The following GLIS1 variants were observed in gnomAD, a reference collection of about 807,000 sequenced individuals.
GLIS1 encodes the protein GLIS family zinc finger 1, also known as zinc finger protein GLIS1.
GLIS1 carries 24 observed loss-of-function variants against 63.8 expected under a neutral mutation model. The ratio of observed to expected loss-of-function variants is 0.38; its 90% CI spans 0.27 to 0.53. The LOEUF is 0.53. Ranked by LOEUF, GLIS1 falls within the 20% of genes least tolerant of loss-of-function variation. The pLI is 0.85. For synonymous variants in GLIS1, 450 were observed against 482.5 expected (o/e 0.93, Z 0.88); for missense variants, 1,036 against 1,074.1 (o/e 0.96, Z 0.50).
chr1:53,644,096 G>A (rs1018641851), intron 2 of GLIS1, among the ~76,000 whole-genome samples: 1 of 152,198 alleles, frequency 6.6e-6, no homozygotes. Context: ...TCATATTCTG[G>A]AAGAAGTCTC....
Position 53,534,375 on chromosome 1 carries a change from C to T in GLIS1, c.1321-4423G>A, listed in dbSNP as rs374921836. 6.2e-4 allele frequency among the ~76,000 whole-genome samples: 95 copies of T among 152,130 alleles called. 5 individuals are homozygous for T. The highest frequency in any genetic ancestry group is 2.2e-3 in the African/African-American group (93 of 41,434). On this transcript the variant is annotated intron_variant, in intron 4 of 10. Transcript: ENST00000628545. ...GGCGGGGCCTTCCTGACATCCCGGT[C>T]GCCTCAGGCTCTATGGTACATTTGT...
chr1:53,607,826 G>A (rs1645386168), intron 2 of GLIS1, among the ~76,000 whole-genome samples: 1 of 152,192 alleles, frequency 6.6e-6, no homozygotes, highest in Admixed American at 6.6e-5. Context: ...CCAAGATCAA[G>A]TTGCCAGTGA....
At chr1:53,528,729 C>G (rs976747944) in intron 5 of GLIS1, among the ~76,000 whole-genome samples, 12 of 152,148 alleles carry the variant, frequency 7.9e-5, no homozygotes, top group African/African-American at 2.7e-4. Flanking sequence ...CTGGAGGGGT[C>G]AGCTGCCCTC....
rs933047634 is a variant in GLIS1 at position 53,639,089 on chromosome 1, T to C, written c.260-38811A>G. 1.3e-5 allele frequency among the ~76,000 whole-genome samples: 2 copies of C among 152,188 alleles called. No individual in the cohort carries two copies. Among genetic ancestry groups the C allele is most frequent in the African/African-American group, 4.8e-5 (2 of 41,432 alleles). ...TAGGATCTGCCACTGGTTAACTGTGTGACTTTGAGCCAGTCCTTATTCTGA... is the reference window on the plus strand; with the variant it reads ...TAGGATCTGCCACTGGTTAACTGTGCGACTTTGAGCCAGTCCTTATTCTGA... On this transcript the variant is annotated intron_variant, in intron 2 of 10. Transcript: ENST00000628545. This position sits in a 1 kb window ranked among gnomAD's most constrained non-coding sequence, Gnocchi z 4.6.
chr1:53,544,361 C>T lies in GLIS1; in HGVS notation c.1321-14409G>A, dbSNP rs571328323. ...GAAGGTTGGGAGCCAGGGTGCAGTC[C>T]GGCCCCCGGGGCACAGTGAGGCCTT... is the stretch of plus-strand genomic sequence containing the variant. On this transcript the variant is annotated intron_variant, in intron 4 of 10. Coordinates refer to ENST00000628545, the MANE Select transcript of GLIS1 (RefSeq NM_001367484.1). Among the ~76,000 whole-genome samples, 8 of 152,284 alleles carry T rather than the reference C, an allele frequency of 5.3e-5. No homozygotes were observed. In the South Asian group the frequency reaches 1.2e-3, roughly 24 times the overall value.
chr1:53,594,367 A>G lies in GLIS1; in HGVS notation c.1061T>C (p.Leu354Pro), dbSNP rs1481975989. ...PLSQLPPGPS[L>P]GGLGLGLAGR... ...TGCCAGGCCCAGCCCCAGGCCTCCA[A>G]GGCTTGGGCCAGGCGGCAACTGAGA... The change falls in exon 4 of 11, where the codon CTT becomes CCT. Residue 354 changes from leucine (L) to proline (P), a missense_variant. This residue lies in a region of GLIS1 where 592 missense variants were observed against 593.9 expected (regional missense o/e 1.00). Transcript: ENST00000628545. 1 of 1,611,498 alleles carries G rather than the reference A, an allele frequency of 6.2e-7. No homozygotes were observed. The highest frequency in any genetic ancestry group is 1.7e-5 in the Admixed American group (1 of 59,858).
chr1:53,543,337 C>T (rs778766478), intron 4 of GLIS1, among the ~76,000 whole-genome samples: 4 of 152,146 alleles, frequency 2.6e-5, no homozygotes, highest in South Asian at 2.1e-4. Flanking sequence ...ACTCTTTCGG[C>T]GGACTGCCTT....
chr1:53,658,055 A>C (rs1441227083), intron 2 of GLIS1, among the ~76,000 whole-genome samples: 1 of 151,722 alleles, frequency 6.6e-6, no homozygotes, highest in African/African-American at 2.4e-5. Context: ...CACCGCACCC[A>C]CCACTCCCCT....
chr1:53,675,809 A>G (rs1254826327), intron 2 of GLIS1, among the ~76,000 whole-genome samples: 1 of 151,954 alleles, frequency 6.6e-6, no homozygotes, highest in Non-Finnish European at 1.5e-5. Flanking sequence ...GCTCCTTCCA[A>G]TTGGAGCGCT....
At chr1:53,679,415 T>G (rs1646251294) in intron 2 of GLIS1, among the ~76,000 whole-genome samples, 1 of 152,148 alleles carries the variant, frequency 6.6e-6, no homozygotes, top group African/African-American at 2.4e-5. Flanking sequence ...GGAGACCAGA[T>G]GTGAGGCTGA....
intron 2 of GLIS1, among the ~76,000 whole-genome samples, chr1:53,712,035 C>T (rs1780391): frequency 6.6e-6 from 1 of 151,994 alleles, no homozygotes; most frequent in East Asian, 1.9e-4. Flanking sequence ...AGGCCCAGCA[C>T]AATTTAAGTC....
At chr1:53,710,154 C>T (rs1646631426) in intron 2 of GLIS1, among the ~76,000 whole-genome samples, 1 of 152,184 alleles carries the variant, frequency 6.6e-6, no homozygotes, top group Non-Finnish European at 1.5e-5. Flanking sequence ...CAGGGTGCTG[C>T]CCTAGGCTCT....
At chr1:53,670,151 C>A (rs1011087520) in intron 2 of GLIS1, among the ~76,000 whole-genome samples, 4 of 152,222 alleles carry the variant, frequency 2.6e-5, no homozygotes, top group African/African-American at 9.7e-5. Flanking sequence ...ATTAAACTAG[C>A]TCTGGCCAAG....
At chr1:53,707,411 G>A (rs1646590876) in intron 2 of GLIS1, among the ~76,000 whole-genome samples, 1 of 152,146 alleles carries the variant, frequency 6.6e-6, no homozygotes, top group Non-Finnish European at 1.5e-5. Context: ...CAGCACTTTG[G>A]GAGGCCAAGG....
intron 10 of GLIS1, among the ~76,000 whole-genome samples, chr1:53,507,135 T>C (rs1644242924): frequency 6.6e-6 from 1 of 152,062 alleles, no homozygotes; most frequent in Non-Finnish European, 1.5e-5. Flanking sequence ...GCTGGTCCCC[T>C]CCTGGTAGAA....
chr1:53,692,382 T>C (rs1195204939), intron 2 of GLIS1, among the ~76,000 whole-genome samples: 1 of 152,166 alleles, frequency 6.6e-6, no homozygotes, highest in East Asian at 1.9e-4. Context: ...TCCAATGTAC[T>C]TGAGATGTGC....
chr1:53,545,763 C>T (rs566868037), intron 4 of GLIS1, among the ~76,000 whole-genome samples: 8 of 152,204 alleles, frequency 5.3e-5, no homozygotes, highest in South Asian at 4.1e-4. Flanking sequence ...CAGTGGGCAG[C>T]GTCATACTTT....
At chr1:53,613,497 A>G (rs1395606566) in intron 2 of GLIS1, among the ~76,000 whole-genome samples, 1 of 152,254 alleles carries the variant, frequency 6.6e-6, no homozygotes, top group Non-Finnish European at 1.5e-5. Flanking sequence ...ATGAGTAAGT[A>G]AATTATTGTG....
intron 2 of GLIS1, among the ~76,000 whole-genome samples, chr1:53,644,973 C>A (rs1645827752): frequency 6.6e-6 from 1 of 152,212 alleles, no homozygotes; most frequent in Non-Finnish European, 1.5e-5. Flanking sequence ...ATGAGGGCAG[C>A]ACTTAATCTG....
Sources: gnomAD v4.1 joint callset for allele counts (sites outside exome capture counted in the v4.1 genomes callset) on GRCh38, gnomAD v4.1.1 for gene constraint, gnomAD v4.1.1 regional missense constraint, Gnocchi (gnomAD v3.1) non-coding constraint, MANE v1.5 for transcripts, NCBI Gene and HGNC (gene_info 2026-07-23, HGNC 2026-07-21) for gene names.